Variants in TENM1 observed in about 807,000 individuals in gnomAD.
TENM1 encodes the protein teneurin-1.
In TENM1, 35 loss-of-function variants were observed where a neutral mutation model predicts 174.8. That is an observed-to-expected ratio of 0.20 (90% confidence interval 0.15 to 0.27). The LOEUF is 0.27. TENM1 is among the 10% of genes least tolerant of loss of function. TENM1 has a pLI of 1.00. For synonymous variants in TENM1, 781 were observed against 798.7 expected (o/e 0.98, Z 0.37); for missense variants, 1,633 against 2,130.1 (o/e 0.77, Z 4.59).
the TENM1 span, among the ~76,000 whole-genome samples, chrX:125,002,043 C>T: frequency 9.1e-6 from 1 of 110,374 alleles, no homozygotes; most frequent in East Asian, 2.9e-4. Context: ...CAGAATGACT[C>T]AACTGATCAC....
intron 27 of TENM1, among the ~76,000 whole-genome samples, chrX:124,398,280 C>T (rs1312256411): frequency 9.2e-6 from 1 of 109,195 alleles, no homozygotes. Context: ...ACTTTACTCT[C>T]ACTAGTTTTA....
chrX:124,666,029 A>C lies in TENM1; in HGVS notation c.1168+5654T>G, dbSNP rs150410589. Among the ~76,000 whole-genome samples the C allele has an allele frequency of 7.8e-3, 872 of 111,813 alleles. 10 individuals carry two copies. Among genetic ancestry groups the C allele is most frequent in the African/African-American group, 0.026 (815 of 30,755 alleles). On this transcript the variant is annotated intron_variant, in intron 6 of 31. Transcript: ENST00000422452. ...AGTAGTCACTATTTGGTCTTGGCTAAAGCATCTTCATGACAGGCTATAAAT... is the reference window on the plus strand; with the variant it reads ...AGTAGTCACTATTTGGTCTTGGCTACAGCATCTTCATGACAGGCTATAAAT...
intron 1 of TENM1, among the ~76,000 whole-genome samples, chrX:124,903,780 T>G (rs1603269378): frequency 1.8e-5 from 2 of 111,925 alleles, no homozygotes; most frequent in South Asian, 7.4e-4. Context: ...GAAATTTAGA[T>G]CAATGAGAAC....
chrX:124,683,796 A>G (rs983872743), intron 5 of TENM1, among the ~76,000 whole-genome samples: 2 of 111,876 alleles, frequency 1.8e-5, no homozygotes, highest in Non-Finnish European at 3.8e-5. Flanking sequence ...CTCTTTAAAG[A>G]AAAGGTAGGC....
At chrX:124,424,463 A>G (rs774360308) in intron 23 of TENM1, among the ~76,000 whole-genome samples, 1 of 111,911 alleles carries the variant, frequency 8.9e-6, no homozygotes, top group Non-Finnish European at 1.9e-5. Flanking sequence ...CCATTAAGCA[A>G]CCTCTGGCTA....
At chrX:124,665,224 T>C (rs1419445918) in intron 6 of TENM1, among the ~76,000 whole-genome samples, 10 of 111,086 alleles carry the variant, frequency 9.0e-5, no homozygotes, top group Non-Finnish European at 1.9e-4. Context: ...CCTCTAATCC[T>C]AGCTACTCGG....
chrX:125,061,637 C>T, the TENM1 span, among the ~76,000 whole-genome samples: 127 of 111,960 alleles, frequency 1.1e-3, no homozygotes, highest in African/African-American at 3.6e-3. Context: ...CTAATTCTGC[C>T]TGGGCGCAGT....
intron 1 of TENM1, among the ~76,000 whole-genome samples, chrX:124,909,108 C>T (rs775922089): frequency 8.9e-6 from 1 of 112,373 alleles, no homozygotes; most frequent in African/African-American, 3.2e-5. Flanking sequence ...ATATGCCCGC[C>T]TCGGCCTCCC....
At chrX:124,542,421 A>AT (rs58957662) in intron 15 of TENM1, among the ~76,000 whole-genome samples, 1,255 of 95,758 alleles carry the variant, frequency 0.013, 10 homozygotes, top group Admixed American at 0.018. Flanking sequence ...ATCTTGTTTC[A>AT]TTTTTTTTTT....
chrX:124,528,661 T>TTA (rs765155041), intron 16 of TENM1, among the ~76,000 whole-genome samples: 1,956 of 106,817 alleles, frequency 0.018, 44 homozygotes, highest in African/African-American at 0.063. Context: ...AAATGAAGTT[T>TTA]TATATATATA....
chrX:125,019,156 A>T, the TENM1 span, among the ~76,000 whole-genome samples: 1 of 111,541 alleles, frequency 9.0e-6, no homozygotes, highest in African/African-American at 3.3e-5. Flanking sequence ...GCATTTTAAC[A>T]TCAGTGCTGG....
Position 124,453,494 on chromosome X carries a change from G to T in TENM1, c.3950-3C>A, listed in dbSNP as rs779042383. On this transcript the variant is annotated splice_polypyrimidine_tract_variant and splice_region_variant and intron_variant, in intron 22 of 31. Coordinates refer to ENST00000422452, the Ensembl canonical transcript of TENM1. ...TCCATGCCTATCAACTGTGATGCCT[G>T]TTGGGAAAGAGCAAATGAGCATTAG... 7 of 1,204,889 alleles carry T rather than the reference G, an allele frequency of 5.8e-6. No homozygotes were observed. Among genetic ancestry groups the T allele is most frequent in the African/African-American group, 1.7e-5 (1 of 57,758 alleles).
Position 124,384,492 on chromosome X carries a change from C to T in TENM1, c.6439G>A (p.Val2147Ile). The T allele has an allele frequency of 4.1e-6, 5 of 1,210,189 alleles. No individual in the cohort carries two copies. Among genetic ancestry groups the T allele is most frequent in the Non-Finnish European group, 5.6e-6 (5 of 894,573 alleles). The change falls in exon 30 of 32, where the codon GTA becomes ATA. Residue 2147 changes from valine (V) to isoleucine (I), a missense_variant. Around this residue, in one of 4 missense-constraint regions of TENM1, gnomAD observed 807 missense variants for 1,125.3 expected, o/e 0.72. Transcript: ENST00000422452. ...CTTGTTATATTGGCATCTACTCCTA[C>T]CCTTATGTCACATATTACCATGCGG...
At chrX:124,386,346 A>G (rs2060218514) in intron 28 of TENM1, among the ~76,000 whole-genome samples, 1 of 111,508 alleles carries the variant, frequency 9.0e-6, no homozygotes, top group Non-Finnish European at 1.9e-5. Context: ...AGGCAGAGGA[A>G]GACCAGCTTA....
chrX:124,519,514 G>T (rs961164452), intron 18 of TENM1, among the ~76,000 whole-genome samples: 2 of 110,703 alleles, frequency 1.8e-5, no homozygotes, highest in African/African-American at 6.6e-5. Context: ...TCCAAGGGAG[G>T]ATGTCTAAAT....
the TENM1 span, among the ~76,000 whole-genome samples, chrX:125,140,841 T>C: frequency 8.9e-6 from 1 of 112,099 alleles, no homozygotes; most frequent in African/African-American, 3.2e-5. Flanking sequence ...CTCTGGGATG[T>C]CCAAATCTGG....
At chrX:124,952,317 A>C (rs1457773662) in intron 1 of TENM1, among the ~76,000 whole-genome samples, 3 of 98,917 alleles carry the variant, frequency 3.0e-5, no homozygotes, top group Non-Finnish European at 6.0e-5. Flanking sequence ...GATTCACTTC[A>C]CTGTTCCTTA....
At chrX:124,843,763 C>A (rs965601321) in intron 3 of TENM1, among the ~76,000 whole-genome samples, 16 of 111,635 alleles carry the variant, frequency 1.4e-4, no homozygotes. Flanking sequence ...CACAGAATTC[C>A]TGATGCAGAT....
intron 19 of TENM1, among the ~76,000 whole-genome samples, chrX:124,499,339 T>C (rs1337115116): frequency 9.0e-6 from 1 of 111,283 alleles, no homozygotes; most frequent in Non-Finnish European, 1.9e-5. Flanking sequence ...TATAATACCA[T>C]GGTGGAATAT....
Sources: gnomAD v4.1 joint callset for allele counts (sites outside exome capture counted in the v4.1 genomes callset) on GRCh38, gnomAD v4.1.1 for gene constraint, gnomAD v4.1.1 regional missense constraint, MANE v1.5 for transcripts, NCBI Gene and HGNC (gene_info 2026-07-23, HGNC 2026-07-21) for gene names.